ADCY7: variants seen among roughly 807,000 people sequenced by gnomAD.
ADCY7 encodes adenylate cyclase 7.
In ADCY7, 72 loss-of-function variants were observed where a neutral mutation model predicts 120.6. The ratio of observed to expected loss-of-function variants is 0.60; its 90% CI spans 0.49 to 0.73. The LOEUF is 0.73. Among genes scored for constraint, ADCY7 ranks in the 30% least tolerant of loss-of-function variants. The probability of loss-of-function intolerance (pLI) is 0.00; values close to 1 mark genes in which losing one functional copy is unlikely to be tolerated. For synonymous variants in ADCY7, 661 were observed against 628.0 expected (o/e 1.05, Z -0.78); for missense variants, 1,227 against 1,486.0 (o/e 0.83, Z 2.87).
intron 6 of ADCY7, 21 bp from the exon 7 acceptor site, chr16:50,294,619 C>G (rs2035223283): frequency 2.2e-5 from 20 of 888,964 alleles, no homozygotes; most frequent in Non-Finnish European, 3.4e-5. Flanking sequence ...GACACTCCCT[C>G]CCACCCTGCC....
At chr16:50,264,059 G>A (rs1234214954), upstream of ADCY7, among the ~76,000 whole-genome samples, 1 of 152,216 alleles carries the variant, frequency 6.6e-6, no homozygotes, top group African/African-American at 2.4e-5. Flanking sequence ...GCACTCGCCT[G>A]TATAACCAGC....
Position 50,314,389 on chromosome 16 carries a change from C to T in ADCY7, c.2954C>T (p.Ser985Phe). 1 of 1,613,918 alleles carries T rather than the reference C, an allele frequency of 6.2e-7. No individual in the cohort carries two copies. Among genetic ancestry groups the T allele is most frequent in the Non-Finnish European group, 8.5e-7 (1 of 1,180,012 alleles). ...LDGINRHSFNSFRLRVGINHG... is the reference protein window; with the variant it reads ...LDGINRHSFNFFRLRVGINHG... ...GGCATCAACAGGCACTCCTTCAACT[C>T]CTTCCGCCTCCGCGTCGGTGAGCCC... The change falls in exon 24 of 26, where the codon TCC becomes TTC. Residue 985 changes from serine (S) to phenylalanine (F), a missense_variant. Physicochemically the swap from Ser to Phe is radical, Grantham distance 155. Around this residue, in one of 5 missense-constraint regions of ADCY7, gnomAD observed 244 missense variants for 332.8 expected, o/e 0.73. Transcript: ENST00000673801.
chr16:50,262,018 G>A (rs559001960), upstream of ADCY7, among the ~76,000 whole-genome samples: 8 of 152,300 alleles, frequency 5.3e-5, no homozygotes, highest in African/African-American at 1.9e-4. Context: ...CCCCAGTAAG[G>A]GCTCGACATC....
At chr16:50,309,279 G>C in intron 17 of ADCY7, 2 of 466,020 alleles carry the variant, frequency 4.3e-6, no homozygotes, top group Non-Finnish European at 7.7e-6. Context: ...GGTCACCTGG[G>C]GAGGCTGAAA....
chr16:50,300,951 G>A (rs966625433), intron 9 of ADCY7, 78 bp downstream of exon 9: 3 of 1,537,342 alleles, frequency 2.0e-6, no homozygotes, highest in African/African-American at 2.7e-5. Flanking sequence ...TTGGGGGTGG[G>A]GGTCAGGTGT....
intron 21 of ADCY7, 59 bp downstream of exon 21, chr16:50,312,250 T>C (rs2036530252): frequency 1.3e-6 from 2 of 1,586,686 alleles, no homozygotes; most frequent in Non-Finnish European, 1.7e-6. Flanking sequence ...GCGCAGTCCG[T>C]AGGGTGAAGG....
chr16:50,293,238 A>G, intron 5 of ADCY7, 116 bp from the exon 6 acceptor site: 1 of 1,198,790 alleles, frequency 8.3e-7, no homozygotes, highest in Admixed American at 2.0e-5. Flanking sequence ...GCAGGCAGGG[A>G]GGATGGGGGC....
intron 3 of ADCY7, 49 bp downstream of exon 3, chr16:50,290,709 A>G (rs1360607741): frequency 1.3e-6 from 2 of 1,578,544 alleles, no homozygotes; most frequent in South Asian, 1.2e-5. Context: ...AGCAGCTCCC[A>G]TCCCCGTGGT....
chr16:50,308,617 T>C, intron 16 of ADCY7, 50 bp from the exon 17 acceptor site: 1 of 1,581,912 alleles, frequency 6.3e-7, no homozygotes, highest in Non-Finnish European at 8.6e-7. Flanking sequence ...CGACCAGCCC[T>C]CCTTGCCCAG....
At chr16:50,296,245 G>A (rs4082435) in intron 7 of ADCY7, among the ~76,000 whole-genome samples, 73,338 of 151,908 alleles carry the variant, frequency 0.48, 18,142 homozygotes, top group Middle Eastern at 0.6. Context: ...TGGAGATGGG[G>A]TTTTGCTACA....
At chr16:50,311,816 AAGCTCTG>A in intron 20 of ADCY7, 30 bp downstream of exon 20, 1 of 1,137,282 alleles carries the variant, frequency 8.8e-7, no homozygotes, top group Non-Finnish European at 1.2e-6. Context: ...CCCCCCCCCC[AAGCTCTG>A]CCCACTTTTC....
Position 50,288,164 on chromosome 16 carries a change from G to A in ADCY7, c.-16G>A, listed in dbSNP as rs762361791. The A allele has an allele frequency of 1.2e-5, 19 of 1,538,054 alleles. No individual in the cohort carries two copies. Among genetic ancestry groups the A allele is most frequent in the East Asian group, 2.5e-5 (1 of 40,584 alleles). On this transcript the variant is annotated 5_prime_UTR_variant, in exon 2 of 26. In the 5' UTR this introduces an upstream ATG that the reference lacks. Transcript: ENST00000673801. ...CCTTAACGGCCCCTTAACGACACGC[G>A]TGCCAAGGGTGGAGGATGCCAGCCA...
In ADCY7 at chr16:50,291,799, G is replaced by A. The variant is rs200651932; in HGVS notation, c.439G>A (p.Ala147Thr). 1.1e-4 allele frequency: 185 copies of A among 1,614,006 alleles called. No individual in the cohort carries two copies. The highest frequency in any genetic ancestry group is 1.4e-4 in the Non-Finnish European group (165 of 1,179,992). Residue 147 changes from alanine to threonine, a missense_variant, in exon 4 of 26, where the codon GCT becomes ACT. Physicochemically the swap from Ala to Thr is moderately conservative, Grantham distance 58. Coordinates refer to ENST00000673801, the MANE Select transcript of ADCY7 (RefSeq NM_001114.5). ...ACTACTGCCCTTCAGCATGCGGGGC[G>A]CTGTCGCCGTTGGGGCCGTCTCCAC... is the stretch of plus-strand genomic sequence containing the variant. ...YTLLPFSMRG[A>T]VAVGAVSTAS... is the part of the protein sequence containing the mutation.
chr16:50,260,164 CTG>C (rs1009872734), intron 1 of ADCY7, among the ~76,000 whole-genome samples: 1 of 152,214 alleles, frequency 6.6e-6, no homozygotes, highest in African/African-American at 2.4e-5. Flanking sequence ...GCTGGCTGCA[CTG>C]TGTTATTGTT....
rs376981269 is a variant in ADCY7 at position 50,311,799 on chromosome 16, GCCCCC to G, written c.2448+25_2448+29del. 8.2e-4 allele frequency: 733 copies of G among 894,292 alleles called. No homozygotes were observed. The highest frequency in any genetic ancestry group is 8.8e-4 in the Non-Finnish European group (567 of 642,226). 55.4% of individuals were successfully genotyped at this position (894,292 alleles called of 1,614,324 possible). A position where few individuals can be genotyped will look rare whatever the true frequency, so the allele number is the denominator to read the frequency against. ...ACTCTCCAGACAGGTAAGGAGGCTG[GCCCCC>G]CCCCCCCCCCCAAGCTCTGCCCACT... On this transcript the variant is annotated intron_variant, in intron 20 of 25. Transcript: ENST00000673801.
intron 1 of ADCY7, among the ~76,000 whole-genome samples, chr16:50,267,779 C>T (rs1045195106): frequency 2.6e-5 from 4 of 152,260 alleles, no homozygotes; most frequent in East Asian, 1.9e-4. Context: ...TTGTCTTAGA[C>T]GAGGCCAAAG....
chr16:50,282,559 A>T (rs2034338461), intron 1 of ADCY7, among the ~76,000 whole-genome samples: 1 of 152,128 alleles, frequency 6.6e-6, no homozygotes, highest in South Asian at 2.1e-4. Context: ...AAGTAATTCG[A>T]TGGGGTCCCC....
At chr16:50,273,083 G>T (rs1357614990) in intron 1 of ADCY7, among the ~76,000 whole-genome samples, 1 of 152,192 alleles carries the variant, frequency 6.6e-6, no homozygotes, top group Non-Finnish European at 1.5e-5. Flanking sequence ...TGTGTCCCCA[G>T]TGCCTGTTTA....
rs888053754 is a variant in ADCY7, at chr16:50,310,712, G to T, written c.2186G>T (p.Gly729Val). ...TACTACACCTGCAGCTGTGTCCTGG[G>T]CTTCATCGCCTGCTCGGTCTTCCTG... ...LPYYTCSCVL[G>V]FIACSVFLRM... The change falls in exon 19 of 26, where the codon GGC (glycine) becomes GTC (valine). Residue 729 changes from glycine (G) to valine (V), a missense_variant. Transcript: ENST00000673801. 2 of 1,614,078 alleles carry T rather than the reference G, an allele frequency of 1.2e-6. No homozygotes were observed. Among genetic ancestry groups the T allele is most frequent in the Admixed American group, 3.3e-5 (2 of 60,014 alleles).
Sources: allele counts gnomAD v4.1 joint callset (sites outside exome capture counted in the v4.1 genomes callset), GRCh38; gene constraint gnomAD v4.1.1; regional missense constraint gnomAD v4.1.1; transcripts MANE v1.5; gene names NCBI Gene and HGNC (gene_info 2026-07-23, HGNC 2026-07-21).